AOAH: variants seen among roughly 807,000 people sequenced by gnomAD.
AOAH encodes the protein acyloxyacyl hydrolase.
A neutral mutation model predicts 92.2 loss-of-function variants in AOAH; 64 were observed. The observed-to-expected ratio is 0.69, with a 90% CI of 0.57 to 0.86. The LOEUF is 0.86. Among genes scored for constraint, AOAH ranks in the 40% least tolerant of loss-of-function variants. AOAH has a pLI of 0.00. For missense variants in AOAH, 656 were observed against 694.6 expected, an observed-to-expected ratio of 0.94 and a Z score of 0.62; for synonymous variants, 263 against 254.5, an observed-to-expected ratio of 1.03 and a Z score of -0.32.
chr7:36,664,708 G>A (rs186435723), intron 3 of AOAH, among the ~76,000 whole-genome samples: 2 of 151,706 alleles, frequency 1.3e-5, no homozygotes, highest in South Asian at 2.1e-4. Flanking sequence ...AGGCTGTTTT[G>A]CATTGCCATA....
At chr7:36,639,819 C>T (rs1342018687) in intron 4 of AOAH, among the ~76,000 whole-genome samples, 1 of 152,190 alleles carries the variant, frequency 6.6e-6, no homozygotes, top group Non-Finnish European at 1.5e-5. Flanking sequence ...TCCCTTCCCT[C>T]CCAGAGCTTT....
At position 36,659,223 on chromosome 7, in the gene AOAH, CA is replaced by C. The variant is rs768878540; in HGVS notation, c.332del (p.Leu111ArgfsTer40). 6.4e-5 allele frequency: 104 copies of C among 1,614,120 alleles called. No homozygotes were observed. The East Asian group carries it at 7.6e-4, about 12-fold the overall frequency. On this transcript the variant is annotated frameshift_variant, in exon 4 of 21. Transcript: ENST00000617537. LOFTEE classifies it high-confidence loss of function. ...DMNADVVCHTLEFCKQNTGQP... is the reference protein window; with the variant it reads ...DMNADVVCHTXEFCKQNTGQP... ...GGCCAGTGTTCTGTTTACAAAACTCCAGAGTGTGACATACCACATCAGCATT... is the reference window on the plus strand; with the variant it reads ...GGCCAGTGTTCTGTTTACAAAACTCCGAGTGTGACATACCACATCAGCATT...
At chr7:36,591,659 G>A (rs111386197) in intron 12 of AOAH, among the ~76,000 whole-genome samples, 1 of 152,194 alleles carries the variant, frequency 6.6e-6, no homozygotes, top group Non-Finnish European at 1.5e-5. Context: ...AAGAGCTAGT[G>A]GGATTTTACA....
chr7:36,578,970 G>A (rs969326871), intron 12 of AOAH, among the ~76,000 whole-genome samples: 1 of 152,096 alleles, frequency 6.6e-6, no homozygotes, highest in African/African-American at 2.4e-5. Context: ...GAAGGCAAAA[G>A]GGGAACAGGC....
intron 16 of AOAH, among the ~76,000 whole-genome samples, chr7:36,533,778 A>G (rs1390952326): frequency 6.7e-6 from 1 of 149,704 alleles, no homozygotes; most frequent in Admixed American, 6.6e-5. Context: ...TTCCTTCTCC[A>G]CTCCCCACCC....
chr7:36,550,962 A>G (rs1323098421), intron 13 of AOAH, among the ~76,000 whole-genome samples: 5 of 152,172 alleles, frequency 3.3e-5, no homozygotes, highest in Admixed American at 6.5e-5. Context: ...AGCTAGTGGC[A>G]AGCTGTACAG....
At position 36,618,350 on chromosome 7, in the gene AOAH, A is replaced by T. The variant is rs778922457; in HGVS notation, c.703-5T>A. On this transcript the variant is annotated splice_region_variant and splice_polypyrimidine_tract_variant and intron_variant, in intron 9 of 20. Transcript: ENST00000617537. ...TCCATCTTTTGGATCGACACCCTTT[A>T]AAAAAGAAACGATGTGATTAGCAGT... The T allele has an allele frequency of 1.9e-6, 3 of 1,613,770 alleles. No individual in the cohort carries two copies. In the South Asian group the frequency reaches 3.3e-5, roughly 18 times the overall value.
At chr7:36,673,800 A>G in intron 3 of AOAH, 143 bp downstream of exon 3, 1 of 574,820 alleles carries the variant, frequency 1.7e-6, no homozygotes, top group Non-Finnish European at 3.1e-6. Flanking sequence ...CCAATTTTCC[A>G]CTATTACTAA....
intron 13 of AOAH, among the ~76,000 whole-genome samples, chr7:36,556,533 T>C (rs1786728511): frequency 6.6e-6 from 1 of 151,506 alleles, no homozygotes; most frequent in South Asian, 2.1e-4. Context: ...AATTCCTGGG[T>C]ATCCTTGTTA....
chr7:36,705,813 T>C (rs1413131100), intron 1 of AOAH, among the ~76,000 whole-genome samples: 1 of 152,006 alleles, frequency 6.6e-6, no homozygotes, highest in Non-Finnish European at 1.5e-5. Context: ...AAAACAGATA[T>C]ATAGACCAAT....
At chr7:36,704,304 C>T (rs969128755) in intron 1 of AOAH, among the ~76,000 whole-genome samples, 1 of 152,080 alleles carries the variant, frequency 6.6e-6, no homozygotes, top group South Asian at 2.1e-4. Context: ...CTGTAGGTTG[C>T]CTGTTCACTC....
chr7:36,664,464 C>T (rs1283299507), intron 3 of AOAH, among the ~76,000 whole-genome samples: 1 of 152,062 alleles, frequency 6.6e-6, no homozygotes, highest in Non-Finnish European at 1.5e-5. Context: ...TATTCCATTC[C>T]ATTGATTATT....
Position 36,516,698 on chromosome 7 carries a change from G to A in AOAH, c.1600-3318C>T, listed in dbSNP as rs996628507. On this transcript the variant is annotated intron_variant, in intron 20 of 20. Transcript: ENST00000617537. The surrounding 1 kb of genome is among the most constrained non-coding windows in gnomAD (Gnocchi z 5.0). ...AAAGGAGGCTGCTGCCAGGTCTGTG[G>A]AAAATTACTGGTTCTTCTTTTTTGT... Among the ~76,000 whole-genome samples the A allele has an allele frequency of 6.6e-6, 1 of 152,146 alleles. No homozygotes were observed. The highest frequency in any genetic ancestry group is 2.4e-5 in the African/African-American group (1 of 41,396).
At chr7:36,537,685 AT>A (rs964040171) in intron 16 of AOAH, among the ~76,000 whole-genome samples, 8 of 151,118 alleles carry the variant, frequency 5.3e-5, no homozygotes, top group East Asian at 3.9e-4. Context: ...CGCCCAGCTA[AT>A]TTTTTTTTGT....
intron 13 of AOAH, among the ~76,000 whole-genome samples, chr7:36,552,201 G>A (rs1786316244): frequency 6.6e-6 from 1 of 152,190 alleles, no homozygotes; most frequent in Non-Finnish European, 1.5e-5. Flanking sequence ...TCCCCTTCAT[G>A]TGTCCAAGTG....
chr7:36,659,231 G>A lies in AOAH; in HGVS notation c.325C>T (p.His109Tyr), dbSNP rs767874208. The change falls in exon 4 of 21, where the codon CAC becomes TAC. Residue 109 changes from histidine to tyrosine, a missense_variant. Physicochemically the swap from His to Tyr is moderately conservative, Grantham distance 83. Transcript: ENST00000617537. Reference protein sequence around the residue: ...SADMNADVVCHTLEFCKQNTG... With the variant: ...SADMNADVVCYTLEFCKQNTG... ...TTCTGTTTACAAAACTCCAGAGTGT[G>A]ACATACCACATCAGCATTCATATCT... 1.2e-6 allele frequency: 2 copies of A among 1,614,106 alleles called. No individual in the cohort carries two copies. The highest frequency in any genetic ancestry group is 3.3e-5 in the Admixed American group (2 of 60,032).
At chr7:36,595,037 G>A (rs116476715) in intron 11 of AOAH, among the ~76,000 whole-genome samples, 240 of 152,270 alleles carry the variant, frequency 1.6e-3, no homozygotes, top group African/African-American at 5.4e-3. Flanking sequence ...CTGATACAAA[G>A]TGTTGACAAA....
chr7:36,565,741 C>T (rs1015789459), intron 13 of AOAH, among the ~76,000 whole-genome samples: 10 of 151,764 alleles, frequency 6.6e-5, no homozygotes, highest in African/African-American at 2.4e-4. Context: ...AGGGATCTCG[C>T]TATGCGCAGA....
At chr7:36,714,381 C>A (rs1400004029) in intron 1 of AOAH, among the ~76,000 whole-genome samples, 2 of 152,122 alleles carry the variant, frequency 1.3e-5, no homozygotes, top group East Asian at 3.9e-4. Context: ...GATTCACAGC[C>A]GAATTCTACC....
Sources: gnomAD v4.1 joint callset for allele counts (sites outside exome capture counted in the v4.1 genomes callset) on GRCh38, gnomAD v4.1.1 for gene constraint, Gnocchi (gnomAD v3.1) non-coding constraint, MANE v1.5 for transcripts, NCBI Gene and HGNC (gene_info 2026-07-23, HGNC 2026-07-21) for gene names.